Variants in SIAH1 observed in about 807,000 individuals in gnomAD.
SIAH1 encodes siah E3 ubiquitin protein ligase 1.
A neutral mutation model predicts 20.0 loss-of-function variants in SIAH1; 2 were observed. The ratio of observed to expected loss-of-function variants is 0.10; its 90% CI spans 0.04 to 0.31. The LOEUF is 0.31. SIAH1 is among the 10% of genes least tolerant of loss of function. The pLI is 1.00. For missense variants in SIAH1, 119 were observed against 355.3 expected (o/e 0.33, Z 5.35); for synonymous variants, 118 against 125.3 (o/e 0.94, Z 0.39).
At chr16:48,381,269 C>T (rs1445930117) in intron 1 of SIAH1, among the ~76,000 whole-genome samples, 1 of 152,120 alleles carries the variant, frequency 6.6e-6, no homozygotes, top group Admixed American at 6.6e-5. Context: ...CACTTGAACC[C>T]AGGAGGTGGA....
chr16:48,367,830 CA>C (rs1960881443), intron 1 of SIAH1, among the ~76,000 whole-genome samples: 1 of 152,178 alleles, frequency 6.6e-6, no homozygotes, highest in African/African-American at 2.4e-5. Flanking sequence ...TACCTTAAGA[CA>C]AGCCCATAGA....
intron 1 of SIAH1, among the ~76,000 whole-genome samples, chr16:48,378,645 G>A (rs1327465096): frequency 6.6e-6 from 1 of 152,130 alleles, no homozygotes; most frequent in Non-Finnish European, 1.5e-5. Flanking sequence ...ATTGCTCTAG[G>A]TATTCTCCTA....
chr16:48,363,407 T>C (rs1960687335), intron 1 of SIAH1: 2 of 167,102 alleles, frequency 1.2e-5, no homozygotes. Flanking sequence ...GGGGATGTAC[T>C]CGCTAGTGAA....
chr16:48,381,068 C>G (rs1961276336), intron 1 of SIAH1, among the ~76,000 whole-genome samples: 1 of 151,894 alleles, frequency 6.6e-6, no homozygotes, highest in Non-Finnish European at 1.5e-5. Context: ...GACAGTTTGG[C>G]AATTTCTTAC....
intron 1 of SIAH1, among the ~76,000 whole-genome samples, chr16:48,380,713 C>G (rs1164550471): frequency 6.6e-6 from 1 of 151,810 alleles, no homozygotes; most frequent in African/African-American, 2.4e-5. Flanking sequence ...CACTTGAGGT[C>G]AGGAGTTCGA....
At chr16:48,377,000 A>C (rs1330977365) in intron 1 of SIAH1, among the ~76,000 whole-genome samples, 1 of 152,256 alleles carries the variant, frequency 6.6e-6, no homozygotes, top group Admixed American at 6.5e-5. Flanking sequence ...CAGAGAAGCT[A>C]GTATACACTT....
chr16:48,385,150 C>G, intron 1 of SIAH1, 54 bp downstream of exon 1: 1 of 210,388 alleles, frequency 4.8e-6, no homozygotes. Flanking sequence ...TGGGCGCCCG[C>G]CTGTCGGAGA....
chr16:48,383,057 T>A lies in SIAH1; in HGVS notation c.-3+2147A>T, dbSNP rs1049358849. 2.6e-5 allele frequency among the ~76,000 whole-genome samples: 4 copies of A among 152,220 alleles called. No individual in the cohort carries two copies. In the East Asian group the frequency reaches 7.7e-4, roughly 29 times the overall value. On this transcript the variant is annotated intron_variant, in intron 1 of 1. Coordinates refer to ENST00000394725, the MANE Select transcript of SIAH1 (RefSeq NM_003031.4). ...AATTTCGTAAGAACTTCCCGAAGCTTAGAGGGAATAGATTAATATTTAACA... is the reference window on the plus strand; with the variant it reads ...AATTTCGTAAGAACTTCCCGAAGCTAAGAGGGAATAGATTAATATTTAACA...
At chr16:48,372,222 A>G (rs536312485) in intron 1 of SIAH1, among the ~76,000 whole-genome samples, 15 of 152,228 alleles carry the variant, frequency 9.9e-5, no homozygotes, top group Non-Finnish European at 1.9e-4. Context: ...TTTATAGGAA[A>G]GAAATGCCAT....
chr16:48,374,775 A>G (rs1265934447), intron 1 of SIAH1, among the ~76,000 whole-genome samples: 1 of 152,236 alleles, frequency 6.6e-6, no homozygotes, highest in Non-Finnish European at 1.5e-5. Flanking sequence ...AAACTAAAAA[A>G]TGCAGAGAAA....
intron 1 of SIAH1, among the ~76,000 whole-genome samples, chr16:48,377,870 G>A (rs1333464548): frequency 1.3e-5 from 2 of 152,026 alleles, no homozygotes; most frequent in African/African-American, 4.8e-5. Flanking sequence ...TAAAGCCTTT[G>A]AGTTTGAGAC....
chr16:48,365,271 A>G, intron 1 of SIAH1: 1 of 1,044,974 alleles, frequency 9.6e-7, no homozygotes, highest in Non-Finnish European at 1.4e-6. Flanking sequence ...AACATGACTG[A>G]GAACCTCGGA....
chr16:48,362,645 C>T lies in SIAH1; in HGVS notation c.-2-215G>A. ...CTGTACACTGGATAAGCTCTCTTTT[C>T]AAAATGTTCCGGAAAACATGTGGAA... On this transcript the variant is annotated intron_variant, in intron 1 of 1. Coordinates refer to ENST00000394725, the MANE Select transcript of SIAH1 (RefSeq NM_003031.4). This position sits in a 1 kb window ranked among gnomAD's most constrained non-coding sequence, Gnocchi z 4.2. 1 of 518,812 alleles carries T rather than the reference C, an allele frequency of 1.9e-6. No homozygotes were observed. Among genetic ancestry groups the T allele is most frequent in the Non-Finnish European group, 3.5e-6 (1 of 286,318 alleles). 32.1% of individuals were successfully genotyped at this position (518,812 alleles called of 1,614,324 possible).
At position 48,385,263 on chromosome 16, in the gene SIAH1, C is replaced by A. The variant is rs748481618; in HGVS notation, c.-62G>T. ...TGGCACCAACGCGCTCCGTCGCCAACCCCCGCCACCGCGGGCAGCGCCACC... is the reference window on the plus strand; with the variant it reads ...TGGCACCAACGCGCTCCGTCGCCAAACCCCGCCACCGCGGGCAGCGCCACC... On this transcript the variant is annotated 5_prime_UTR_variant, in exon 1 of 2. Transcript: ENST00000394725. 4 of 317,260 alleles carry A rather than the reference C, an allele frequency of 1.3e-5. No individual in the cohort carries two copies. Among genetic ancestry groups the A allele is most frequent in the African/African-American group, 2.2e-5 (1 of 44,718 alleles). The allele number at this position is 317,260 out of a possible 1,614,324, so 19.7% of individuals were successfully genotyped here.
At chr16:48,363,877 G>T (rs956280611) in intron 1 of SIAH1, 1 of 164,366 alleles carries the variant, frequency 6.1e-6, no homozygotes, top group African/African-American at 2.5e-5. Flanking sequence ...TGTCTTGGGG[G>T]TGAAAAAAAA....
rs9936636 is a variant in SIAH1 at position 48,371,005 on chromosome 16, T to A, written c.-2-8575A>T. Among the ~76,000 whole-genome samples the A allele has an allele frequency of 6.5e-3, 980 of 150,806 alleles. 8 individuals carry two copies. Among genetic ancestry groups the A allele is most frequent in the African/African-American group, 0.023 (942 of 40,996 alleles). On this transcript the variant is annotated intron_variant, in intron 1 of 1. Transcript: ENST00000394725. Reference sequence around the variant, plus strand: ...GGCAGGTGCCTGTAATCCCAGCTACTACGGAAGCTGAGGCATAAGAATCGC... The same window carrying A: ...GGCAGGTGCCTGTAATCCCAGCTACAACGGAAGCTGAGGCATAAGAATCGC...
chr16:48,384,171 G>A (rs1188282278), intron 1 of SIAH1, among the ~76,000 whole-genome samples: 1 of 152,134 alleles, frequency 6.6e-6, no homozygotes, highest in African/African-American at 2.4e-5. Context: ...CTTGACAGCC[G>A]CTATAAGCAA....
intron 1 of SIAH1, among the ~76,000 whole-genome samples, chr16:48,370,466 T>C (rs1960954795): frequency 6.6e-6 from 1 of 152,208 alleles, no homozygotes; most frequent in African/African-American, 2.4e-5. Context: ...GGTTTACATA[T>C]GTTCTCATTT....
chr16:48,362,759 G>A lies in SIAH1; in HGVS notation c.-2-329C>T, dbSNP rs1960646551. 4.3e-6 allele frequency: 1 copy of A among 232,828 alleles called. No homozygotes were observed. The allele number at this position is 232,828 out of a possible 1,614,324, so 14.4% of individuals were successfully genotyped here. A position where few individuals can be genotyped will look rare whatever the true frequency, so the allele number is the denominator to read the frequency against. ...TAAACAACTAAAGAAACTATACAAG[G>A]AACTGAAGTTTAATCGAATCCGTTT... On this transcript the variant is annotated intron_variant, in intron 1 of 1. Coordinates refer to ENST00000394725, the MANE Select transcript of SIAH1 (RefSeq NM_003031.4). This position sits in a 1 kb window ranked among gnomAD's most constrained non-coding sequence, Gnocchi z 4.2.
Sources: gnomAD v4.1 joint callset for allele counts (sites outside exome capture counted in the v4.1 genomes callset) on GRCh38, gnomAD v4.1.1 for gene constraint, Gnocchi (gnomAD v3.1) non-coding constraint, MANE v1.5 for transcripts, NCBI Gene and HGNC (gene_info 2026-07-23, HGNC 2026-07-21) for gene names.